The following FLRT2 variants were observed in gnomAD, a reference collection of about 807,000 sequenced individuals.
FLRT2 encodes the protein fibronectin leucine rich transmembrane protein 2.
In FLRT2, 15 loss-of-function variants were observed where a neutral mutation model predicts 40.0. The observed-to-expected ratio is 0.38, with a 90% CI of 0.25 to 0.58. The LOEUF (loss-of-function observed/expected upper bound fraction) is 0.58, where lower values mean the gene tolerates loss of function less well. Ranked by LOEUF, FLRT2 falls within the 20% of genes least tolerant of loss-of-function variation. FLRT2 has a pLI of 0.71. For missense variants in FLRT2, 726 were observed against 840.0 expected (o/e 0.86, Z 1.68); for synonymous variants, 380 against 336.8 (o/e 1.13, Z -1.41).
chr14:85,533,568 C>T (rs1359754291), intron 1 of FLRT2, among the ~76,000 whole-genome samples: 2 of 152,100 alleles, frequency 1.3e-5, no homozygotes, highest in Admixed American at 1.3e-4. Context: ...CTTCCCCGCT[C>T]GCTGTACTTC....
intron 1 of FLRT2, among the ~76,000 whole-genome samples, chr14:85,574,474 C>G (rs916723707): frequency 2.0e-5 from 3 of 152,072 alleles, no homozygotes; most frequent in Non-Finnish European, 2.9e-5. Context: ...CACAAAGGAC[C>G]TTGAGACAGA....
At chr14:85,578,233 T>TA (rs1566737124) in intron 1 of FLRT2, among the ~76,000 whole-genome samples, 15 of 146,710 alleles carry the variant, frequency 1.0e-4, no homozygotes, top group South Asian at 2.1e-4. Context: ...TATTTATATA[T>TA]TTTTTATGTA....
chr14:85,574,612 C>T (rs1325545184), intron 1 of FLRT2, among the ~76,000 whole-genome samples: 5 of 152,008 alleles, frequency 3.3e-5, no homozygotes, highest in Admixed American at 3.3e-4. Context: ...TGCATTTTGC[C>T]AGTGCAGCAT....
chr14:85,621,453 GT>G lies in FLRT2; in HGVS notation c.-59del, dbSNP rs869208993. On this transcript the variant is annotated 5_prime_UTR_variant, in exon 2 of 2. Transcript: ENST00000330753. ...CCCATCCAGTCATTTTGATTTTGCT[GT>G]TTATTTTTTTTTTCTTTTTCTTTTT... The G allele has an allele frequency of 9.5e-6, 14 of 1,472,740 alleles. No individual in the cohort carries two copies. The highest frequency in any genetic ancestry group is 8.9e-5 in the African/African-American group (6 of 67,708). 91.2% of individuals were successfully genotyped at this position (1,472,740 alleles called of 1,614,324 possible).
At chr14:85,560,861 T>C (rs1890269367) in intron 1 of FLRT2, 2 of 152,218 alleles carry the variant, frequency 1.3e-5, no homozygotes, top group South Asian at 4.1e-4. Context: ...TTTTCTTCTT[T>C]TCGTGCAATT....
intron 1 of FLRT2, among the ~76,000 whole-genome samples, chr14:85,564,680 G>T (rs538570876): frequency 1.5e-3 from 222 of 152,286 alleles, no homozygotes; most frequent in African/African-American, 5.1e-3. Flanking sequence ...GAAGACGTGG[G>T]TAACTCTATT....
At chr14:85,584,606 T>C (rs112538702) in intron 1 of FLRT2, among the ~76,000 whole-genome samples, 2 of 152,316 alleles carry the variant, frequency 1.3e-5, no homozygotes, top group African/African-American at 2.4e-5. Flanking sequence ...TGGGCCTCCA[T>C]GCCTGCTCCT....
At chr14:85,532,615 C>G (rs1422833994) in intron 1 of FLRT2, among the ~76,000 whole-genome samples, 1 of 152,106 alleles carries the variant, frequency 6.6e-6, no homozygotes, top group African/African-American at 2.4e-5. Context: ...AACGCTCTTG[C>G]CAGAAGCAGC....
intron 1 of FLRT2, among the ~76,000 whole-genome samples, chr14:85,575,869 G>A (rs1466648525): frequency 1.3e-5 from 2 of 152,146 alleles, no homozygotes; most frequent in Non-Finnish European, 2.9e-5. Context: ...CACTTACTTG[G>A]CTGGGCTATG....
intron 1 of FLRT2, among the ~76,000 whole-genome samples, chr14:85,557,048 A>G (rs1890008783): frequency 6.6e-6 from 1 of 152,312 alleles, no homozygotes; most frequent in Non-Finnish European, 1.5e-5. Context: ...CCACAAGAAC[A>G]GTATGGGGGA....
Position 85,647,083 on chromosome 14 carries a change from G to A in FLRT2, c.*23586G>A, listed in dbSNP as rs889286724. The stretch of plus-strand genomic sequence containing the variant: ...TCTGCTCAAGATGGATGTCACTAAT[G>A]TGCAACTGATCCACAACCTCATACA... On this transcript the variant is annotated 3_prime_UTR_variant, in exon 2 of 2. Transcript: ENST00000330753. 2 of 152,100 alleles carry A rather than the reference G, an allele frequency of 1.3e-5. No individual in the cohort carries two copies. Among genetic ancestry groups the A allele is most frequent in the South Asian group, 2.1e-4 (1 of 4,822 alleles). 9.4% of individuals were successfully genotyped at this position (152,100 alleles called of 1,614,324 possible). A position where few individuals can be genotyped will look rare whatever the true frequency, so the allele number is the denominator to read the frequency against.
intron 1 of FLRT2, among the ~76,000 whole-genome samples, chr14:85,584,349 A>T (rs961341005): frequency 3.9e-5 from 6 of 152,182 alleles, no homozygotes; most frequent in Non-Finnish European, 8.8e-5. Context: ...AAATCATATT[A>T]AAAAATGCTG....
Position 85,630,554 on chromosome 14 carries a change from G to A in FLRT2, c.*7057G>A, listed in dbSNP as rs1220003532. ...TGGTGCAGAATAAGAATGTTTTCCAGGAGAGTTAAATTTTGCTCATCAAAA... is the reference window on the plus strand; with the variant it reads ...TGGTGCAGAATAAGAATGTTTTCCAAGAGAGTTAAATTTTGCTCATCAAAA... On this transcript the variant is annotated 3_prime_UTR_variant, in exon 2 of 2. Coordinates refer to ENST00000330753, the MANE Select transcript of FLRT2 (RefSeq NM_013231.6). The A allele has an allele frequency of 6.6e-6, 1 of 152,090 alleles. No individual in the cohort carries two copies. Among genetic ancestry groups the A allele is most frequent in the Admixed American group, 6.5e-5 (1 of 15,278 alleles). 9.4% of individuals were successfully genotyped at this position (152,090 alleles called of 1,614,324 possible).
In FLRT2 at chr14:85,627,016, G is replaced by C. The variant is rs1215389400; in HGVS notation, c.*3519G>C. On this transcript the variant is annotated 3_prime_UTR_variant, in exon 2 of 2. Coordinates refer to ENST00000330753, the MANE Select transcript of FLRT2 (RefSeq NM_013231.6). The stretch of plus-strand genomic sequence containing the variant: ...GCAATATTGCAGTCCACAGGGAATG[G>C]ATGCTTCACTTGATCTCCGGACCTT... 6.0e-6 allele frequency: 1 copy of C among 167,050 alleles called. No individual in the cohort carries two copies. 10.3% of individuals were successfully genotyped at this position (167,050 alleles called of 1,614,324 possible). A position where few individuals can be genotyped will look rare whatever the true frequency, so the allele number is the denominator to read the frequency against.
In FLRT2 at chr14:85,632,683, A is replaced by G. The variant is rs1295761542; in HGVS notation, c.*9186A>G. On this transcript the variant is annotated 3_prime_UTR_variant, in exon 2 of 2. Coordinates refer to ENST00000330753, the MANE Select transcript of FLRT2 (RefSeq NM_013231.6). ...GTCATATCCCATATAAAAATACAGCATATATCATTTAAAGGTTCACATTGT... is the reference window on the plus strand; with the variant it reads ...GTCATATCCCATATAAAAATACAGCGTATATCATTTAAAGGTTCACATTGT... 6.6e-6 allele frequency: 1 copy of G among 152,166 alleles called. No homozygotes were observed. Among genetic ancestry groups the G allele is most frequent in the Non-Finnish European group, 1.5e-5 (1 of 68,034 alleles). The allele number at this position is 152,166 out of a possible 1,614,324, so 9.4% of individuals were successfully genotyped here. A position where few individuals can be genotyped will look rare whatever the true frequency, so the allele number is the denominator to read the frequency against.
chr14:85,563,261 C>A (rs972823598), intron 1 of FLRT2, among the ~76,000 whole-genome samples: 8 of 152,074 alleles, frequency 5.3e-5, no homozygotes, highest in African/African-American at 1.9e-4. Context: ...GCCTTACAAC[C>A]ACTTCCTAAT....
At chr14:85,566,593 T>A (rs1890631663) in intron 1 of FLRT2, among the ~76,000 whole-genome samples, 1 of 125,958 alleles carries the variant, frequency 7.9e-6, no homozygotes, top group Non-Finnish European at 1.7e-5. Flanking sequence ...TAGAAATTTC[T>A]GCAGCTATTT....
chr14:85,598,024 G>A (rs1167915848), intron 1 of FLRT2, among the ~76,000 whole-genome samples: 1 of 152,062 alleles, frequency 6.6e-6, no homozygotes, highest in Admixed American at 6.6e-5. Context: ...TTTTTCTTAT[G>A]GCTTGCCTAC....
chr14:85,607,512 G>T (rs1358154631), intron 1 of FLRT2, among the ~76,000 whole-genome samples: 2 of 152,202 alleles, frequency 1.3e-5, no homozygotes, highest in African/African-American at 4.8e-5. Flanking sequence ...CAACAGCTAG[G>T]GGTGGGATCA....
Sources: allele counts gnomAD v4.1 joint callset (sites outside exome capture counted in the v4.1 genomes callset), GRCh38; gene constraint gnomAD v4.1.1; transcripts MANE v1.5; gene names NCBI Gene and HGNC (gene_info 2026-07-23, HGNC 2026-07-21).